FLI1: variants seen among roughly 807,000 people sequenced by gnomAD.
The protein encoded by FLI1 is Fli-1 proto-oncogene, ETS transcription factor.
A neutral mutation model predicts 53.1 loss-of-function variants in FLI1; 13 were observed. The ratio of observed to expected loss-of-function variants is 0.24; its 90% CI spans 0.16 to 0.39. The LOEUF (loss-of-function observed/expected upper bound fraction) is 0.39, where lower values mean the gene tolerates loss of function less well. FLI1 is among the 10% of genes least tolerant of loss of function. FLI1 has a pLI of 1.00. For synonymous variants in FLI1, 244 were observed against 236.7 expected, an observed-to-expected ratio of 1.03 and a Z score of -0.28; for missense variants, 424 against 600.5, an observed-to-expected ratio of 0.71 and a Z score of 3.07.
chr11:128,809,293 C>A lies in FLI1; in HGVS notation c.829+89C>A, dbSNP rs1481281381. 5 of 1,101,628 alleles carry A rather than the reference C, an allele frequency of 4.5e-6. No homozygotes were observed. In the Admixed American group the frequency reaches 7.0e-5, roughly 15 times the overall value. 68.2% of individuals were successfully genotyped at this position (1,101,628 alleles called of 1,614,324 possible). A position where few individuals can be genotyped will look rare whatever the true frequency, so the allele number is the denominator to read the frequency against. ...GAGACTTCTGTCCTAAGTCCAGACA[C>A]CTGAGTGGGGAGTAACATGCACGTC... On this transcript the variant is annotated intron_variant, in intron 8 of 8. Coordinates refer to ENST00000527786, the MANE Select transcript of FLI1 (RefSeq NM_002017.5).
At chr11:128,722,210 C>T (rs1204544781) in intron 1 of FLI1, among the ~76,000 whole-genome samples, 1 of 152,186 alleles carries the variant, frequency 6.6e-6, no homozygotes, top group East Asian at 1.9e-4. Flanking sequence ...GACTATATGA[C>T]ATTTACTATA....
chr11:128,728,998 A>T (rs1939588870), intron 1 of FLI1, among the ~76,000 whole-genome samples: 1 of 152,220 alleles, frequency 6.6e-6, no homozygotes. Flanking sequence ...CACAGATATG[A>T]CACAGCTACC....
chr11:128,703,427 A>C (rs1938420872), intron 1 of FLI1, among the ~76,000 whole-genome samples: 1 of 152,266 alleles, frequency 6.6e-6, no homozygotes, highest in African/African-American at 2.4e-5. Flanking sequence ...CTAGATAAAC[A>C]AAGGAGGAAA....
chr11:128,764,703 C>A, intron 2 of FLI1: 1 of 1,548,682 alleles, frequency 6.5e-7, no homozygotes, highest in East Asian at 2.4e-5. Flanking sequence ...TCACCTGTAC[C>A]CACCCTGAGC....
At position 128,799,043 on chromosome 11, in the gene FLI1, A is replaced by ATTT. The variant is rs1186555006; in HGVS notation, c.656-6321_656-6320insTTT. 3.1e-4 allele frequency among the ~76,000 whole-genome samples: 40 copies of ATTT among 128,652 alleles called. 4 individuals carry two copies. The highest frequency in any genetic ancestry group is 1.1e-3 in the African/African-American group (37 of 33,922). The allele number at this position is 128,652 out of a possible 152,430, so 84.4% of individuals were successfully genotyped here. On this transcript the variant is annotated intron_variant, in intron 5 of 8. Coordinates refer to ENST00000527786, the MANE Select transcript of FLI1 (RefSeq NM_002017.5). ...TTATATTATTATTATTATTATTATT[A>ATTT]TTATTATTATTTTGCTTTGGAGACA...
chr11:128,776,846 G>A (rs1480675014), intron 4 of FLI1, among the ~76,000 whole-genome samples: 3 of 151,450 alleles, frequency 2.0e-5, no homozygotes, highest in Admixed American at 6.6e-5. Context: ...CGGCCCTGGA[G>A]ACAGCAAGCC....
At chr11:128,790,144 A>T (rs1246333582) in intron 5 of FLI1, among the ~76,000 whole-genome samples, 1 of 151,632 alleles carries the variant, frequency 6.6e-6, no homozygotes, top group African/African-American at 2.4e-5. Context: ...TGATTATGGG[A>T]TAGACAGTAG....
chr11:128,741,707 G>C (rs948573193), intron 1 of FLI1, among the ~76,000 whole-genome samples: 1 of 152,244 alleles, frequency 6.6e-6, no homozygotes, highest in South Asian at 2.1e-4. Flanking sequence ...AGCCAATGAA[G>C]TGTTAATGCC....
At chr11:128,689,399 T>C (rs2135675519), upstream of FLI1, among the ~76,000 whole-genome samples, 1 of 152,230 alleles carries the variant, frequency 6.6e-6, no homozygotes, top group Non-Finnish European at 1.5e-5. Flanking sequence ...CCTTTTTTTC[T>C]CCTTGTGTAC....
chr11:128,736,688 A>G (rs1372387985), intron 1 of FLI1, among the ~76,000 whole-genome samples: 1 of 152,262 alleles, frequency 6.6e-6, no homozygotes, highest in African/African-American at 2.4e-5. Context: ...TTCTGTATAT[A>G]TAATCAACAG....
intron 1 of FLI1, among the ~76,000 whole-genome samples, chr11:128,723,221 A>G (rs1424797695): frequency 6.6e-6 from 1 of 152,194 alleles, no homozygotes; most frequent in Non-Finnish European, 1.5e-5. Flanking sequence ...ACTCCATAAC[A>G]ACATGACAGC....
intron 5 of FLI1, among the ~76,000 whole-genome samples, chr11:128,792,886 G>A (rs1027628813): frequency 2.0e-5 from 3 of 152,142 alleles, no homozygotes; most frequent in African/African-American, 7.2e-5. Flanking sequence ...GAAACCCAAG[G>A]TGAGAGGATC....
chr11:128,735,905 AT>A (rs1156710342), intron 1 of FLI1, among the ~76,000 whole-genome samples: 1 of 152,208 alleles, frequency 6.6e-6, no homozygotes, highest in Non-Finnish European at 1.5e-5. Context: ...TTTGAAGGGA[AT>A]TTTGAACAAA....
intron 1 of FLI1, among the ~76,000 whole-genome samples, chr11:128,749,693 G>A (rs1405091890): frequency 2.0e-5 from 3 of 152,238 alleles, no homozygotes; most frequent in East Asian, 1.9e-4. Flanking sequence ...GAGAAAATGC[G>A]ACTGTGCCTC....
intron 1 of FLI1, among the ~76,000 whole-genome samples, chr11:128,717,567 A>G (rs1939070797): frequency 6.6e-6 from 1 of 152,138 alleles, no homozygotes; most frequent in South Asian, 2.1e-4. Context: ...TGTGCATGCC[A>G]GGCGGTTTAT....
chr11:128,745,927 C>T (rs1345641426), intron 1 of FLI1, among the ~76,000 whole-genome samples: 1 of 152,156 alleles, frequency 6.6e-6, no homozygotes, highest in African/African-American at 2.4e-5. Context: ...AGGAAATTGT[C>T]GGATAAGATC....
intron 1 of FLI1, among the ~76,000 whole-genome samples, chr11:128,717,176 G>A (rs930213149): frequency 6.6e-6 from 1 of 152,066 alleles, no homozygotes; most frequent in Non-Finnish European, 1.5e-5. Context: ...AGCTTCAAGC[G>A]ATGGGGAGAT....
intron 1 of FLI1, among the ~76,000 whole-genome samples, chr11:128,743,153 C>A (rs1940210811): frequency 1.3e-5 from 2 of 151,886 alleles, no homozygotes; most frequent in South Asian, 4.2e-4. Context: ...TTTGGGAGGC[C>A]AAGGCAAGAG....
chr11:128,757,064 CT>C (rs1940907141), intron 1 of FLI1, among the ~76,000 whole-genome samples: 2 of 141,792 alleles, frequency 1.4e-5, no homozygotes, highest in Admixed American at 7.1e-5. Context: ...TTCTTTCTTT[CT>C]TTCTTTCTTT....
Sources: allele counts gnomAD v4.1 joint callset (sites outside exome capture counted in the v4.1 genomes callset), GRCh38; gene constraint gnomAD v4.1.1; transcripts MANE v1.5; gene names NCBI Gene and HGNC (gene_info 2026-07-23, HGNC 2026-07-21).